Variants in NELL1 observed in about 807,000 individuals in gnomAD.
NELL1 encodes the protein protein kinase C-binding protein NELL1.
In NELL1, 76 loss-of-function variants were observed where a neutral mutation model predicts 107.4. That is an observed-to-expected ratio of 0.71 (90% CI 0.59 to 0.86). NELL1 has a LOEUF of 0.86. Ranked by LOEUF, NELL1 falls within the 40% of genes least tolerant of loss-of-function variation. NELL1 has a pLI of 0.00. For missense variants in NELL1, 1,024 were observed against 1,005.5 expected (o/e 1.02, Z -0.25); for synonymous variants, 353 against 341.2 (o/e 1.03, Z -0.38).
chr11:21,490,271 G>A (rs900084242), intron 15 of NELL1, among the ~76,000 whole-genome samples: 1 of 151,896 alleles, frequency 6.6e-6, no homozygotes, highest in African/African-American at 2.4e-5. Context: ...GCGAAACACT[G>A]ATGAAAGAAA....
intron 15 of NELL1, among the ~76,000 whole-genome samples, chr11:21,479,817 A>G (rs1192334747): frequency 2.0e-5 from 3 of 152,174 alleles, no homozygotes; most frequent in Non-Finnish European, 4.4e-5. Flanking sequence ...ACACAAAACT[A>G]CTATGTACCC....
At chr11:20,979,002 GC>G (rs1276806114) in intron 12 of NELL1, among the ~76,000 whole-genome samples, 1 of 152,034 alleles carries the variant, frequency 6.6e-6, no homozygotes, top group Admixed American at 6.6e-5. Context: ...GATTTTGCAG[GC>G]CCCCCAGCAT....
chr11:21,333,792 C>T (rs1437017403), intron 14 of NELL1, among the ~76,000 whole-genome samples: 1 of 152,000 alleles, frequency 6.6e-6, no homozygotes, highest in Non-Finnish European at 1.5e-5. Flanking sequence ...TATCTATTCT[C>T]CATGCACATA....
At chr11:20,723,083 C>T (rs1307557440) in intron 2 of NELL1, among the ~76,000 whole-genome samples, 1 of 152,152 alleles carries the variant, frequency 6.6e-6, no homozygotes, top group Non-Finnish European at 1.5e-5. Flanking sequence ...AGTCGCCTCC[C>T]CTGACATGTG....
intron 14 of NELL1, among the ~76,000 whole-genome samples, chr11:21,312,223 A>T (rs1849764542): frequency 6.6e-6 from 1 of 152,014 alleles, no homozygotes; most frequent in Non-Finnish European, 1.5e-5. Flanking sequence ...TGCTTAGTCC[A>T]CACAACTAAT....
At chr11:20,671,165 C>T (rs1853898669) in intron 1 of NELL1, 3 of 152,396 alleles carry the variant, frequency 2.0e-5, no homozygotes, top group African/African-American at 7.2e-5. Flanking sequence ...TGCGGAGACG[C>T]CAAGGCTCAG....
chr11:21,181,038 T>A (rs545062349), intron 13 of NELL1, among the ~76,000 whole-genome samples: 6 of 151,790 alleles, frequency 4.0e-5, no homozygotes, highest in Non-Finnish European at 7.3e-5. Flanking sequence ...TACTTCCCCA[T>A]TAAAGTTCAC....
intron 3 of NELL1, among the ~76,000 whole-genome samples, chr11:20,800,736 G>A (rs1857265466): frequency 6.6e-6 from 1 of 152,186 alleles, no homozygotes; most frequent in African/African-American, 2.4e-5. Context: ...GGTGGTGTGT[G>A]GGAATGAGAA....
intron 14 of NELL1, among the ~76,000 whole-genome samples, chr11:21,325,838 A>G (rs1220492676): frequency 1.3e-5 from 2 of 151,986 alleles, no homozygotes; most frequent in African/African-American, 4.8e-5. Context: ...TTTCTTTCAC[A>G]ATAATTTTTC....
intron 15 of NELL1, among the ~76,000 whole-genome samples, chr11:21,517,156 A>G (rs1423511261): frequency 1.3e-5 from 2 of 148,730 alleles, no homozygotes; most frequent in African/African-American, 5.0e-5. Context: ...TTGTCCTATT[A>G]CCTAGGAAAC....
intron 14 of NELL1, among the ~76,000 whole-genome samples, chr11:21,336,145 C>T (rs1024607316): frequency 2.0e-5 from 3 of 151,884 alleles, no homozygotes; most frequent in African/African-American, 7.3e-5. Context: ...CTTTCTCAGG[C>T]TATGACATTA....
At chr11:20,943,455 T>C (rs144602268) in intron 10 of NELL1, among the ~76,000 whole-genome samples, 3,500 of 152,036 alleles carry the variant, frequency 0.023, 82 homozygotes, top group Non-Finnish European at 0.035. Flanking sequence ...TGGTGGCACA[T>C]GCCTGTAATC....
chr11:21,384,947 A>C (rs996134660), intron 15 of NELL1, among the ~76,000 whole-genome samples: 1 of 151,788 alleles, frequency 6.6e-6, no homozygotes, highest in Admixed American at 6.6e-5. Context: ...ACAATTTTTT[A>C]ATGTATTTAC....
chr11:21,552,221 T>C (rs898079570), intron 16 of NELL1, among the ~76,000 whole-genome samples: 3 of 151,258 alleles, frequency 2.0e-5, no homozygotes, highest in East Asian at 4.0e-4. Context: ...ACACCAGCAT[T>C]GCACATGTAT....
intron 15 of NELL1, among the ~76,000 whole-genome samples, chr11:21,487,787 C>T (rs1175260934): frequency 2.0e-5 from 3 of 152,060 alleles, no homozygotes; most frequent in Non-Finnish European, 4.4e-5. Flanking sequence ...ATTAGAAATG[C>T]ACTTTACCTG....
At chr11:21,200,188 A>G (rs1473954663) in intron 13 of NELL1, among the ~76,000 whole-genome samples, 1 of 152,102 alleles carries the variant, frequency 6.6e-6, no homozygotes, top group Non-Finnish European at 1.5e-5. Flanking sequence ...ATCAAATGGT[A>G]TTTCTAGTTC....
intron 15 of NELL1, among the ~76,000 whole-genome samples, chr11:21,515,864 G>T (rs1458455181): frequency 6.6e-6 from 1 of 152,198 alleles, no homozygotes; most frequent in Non-Finnish European, 1.5e-5. Flanking sequence ...TGAGGAGGTA[G>T]AGCAAATGAA....
chr11:20,968,098 C>T (rs765148771), intron 12 of NELL1, among the ~76,000 whole-genome samples: 3 of 152,186 alleles, frequency 2.0e-5, no homozygotes, highest in South Asian at 2.1e-4. Flanking sequence ...CTCCTAACCA[C>T]GCTGGCTAAA....
At position 21,359,123 on chromosome 11, in the gene NELL1, T is replaced by C. The variant is rs372306115; in HGVS notation, c.1550-11730T>C. On this transcript the variant is annotated intron_variant, in intron 14 of 19. Coordinates refer to ENST00000357134, the MANE Select transcript of NELL1 (RefSeq NM_006157.5). ...ATGTTGGGTATGGGTTTGTCATAGA[T>C]TGATTTTTTATTACCTTGAGGTATG... Among the ~76,000 whole-genome samples, 15 of 152,266 alleles carry C rather than the reference T, an allele frequency of 9.9e-5. No homozygotes were observed. The East Asian group carries it at 1.7e-3, about 18-fold the overall frequency.
Sources: allele counts gnomAD v4.1 joint callset (sites outside exome capture counted in the v4.1 genomes callset), GRCh38; gene constraint gnomAD v4.1.1; transcripts MANE v1.5; gene names NCBI Gene and HGNC (gene_info 2026-07-23, HGNC 2026-07-21).